SACM1L: variants seen among roughly 807,000 people sequenced by gnomAD.
SACM1L encodes the protein SAC1 like phosphatidylinositide phosphatase, also known as phosphatidylinositol-3-phosphatase SAC1.
A neutral mutation model predicts 89.5 loss-of-function variants in SACM1L; 32 were observed. The observed-to-expected ratio is 0.36, with a 90% CI of 0.27 to 0.48. The LOEUF is 0.48. SACM1L is among the 20% of genes least tolerant of loss of function. The pLI, the probability that SACM1L is intolerant of heterozygous loss-of-function variation, is 0.99. For missense variants in SACM1L, 543 were observed against 708.5 expected, an observed-to-expected ratio of 0.77 and a Z score of 2.65; for synonymous variants, 213 against 232.8, an observed-to-expected ratio of 0.92 and a Z score of 0.77.
At chr3:45,725,257 A>C (rs577649400) in intron 11 of SACM1L, among the ~76,000 whole-genome samples, 33 of 152,278 alleles carry the variant, frequency 2.2e-4, no homozygotes, top group African/African-American at 7.9e-4. Context: ...ATTGCATTGA[A>C]TTGACAGATT....
rs190337202 is a variant in SACM1L at position 45,691,963 on chromosome 3, A to G, written c.32+2466A>G. Among the ~76,000 whole-genome samples, 723 of 152,222 alleles carry G rather than the reference A, an allele frequency of 4.7e-3. 2 individuals are homozygous for G. Among genetic ancestry groups the G allele is most frequent in the Non-Finnish European group, 7.7e-3 (524 of 68,016 alleles). On this transcript the variant is annotated intron_variant, in intron 1 of 19. Transcript: ENST00000389061. ...ACTTGCATTTCTTAGCCATCTGTATATTCTAGCCTTTTTATAATCTGTCGC... is the reference window on the plus strand; with the variant it reads ...ACTTGCATTTCTTAGCCATCTGTATGTTCTAGCCTTTTTATAATCTGTCGC...
At position 45,690,884 on chromosome 3, in the gene SACM1L, G is replaced by A. The variant is rs556498803; in HGVS notation, c.32+1387G>A. On this transcript the variant is annotated intron_variant, in intron 1 of 19. Transcript: ENST00000389061. ...TAATTAGGTTATTGTGTATCTGATA[G>A]GCACTGAAGGGTTTAATGTGATCCT... 2.0e-5 allele frequency among the ~76,000 whole-genome samples: 3 copies of A among 152,196 alleles called. No individual in the cohort carries two copies. The South Asian group carries it at 6.2e-4, about 32-fold the overall frequency.
intron 1 of SACM1L, among the ~76,000 whole-genome samples, chr3:45,693,647 A>G (rs1575380733): frequency 1.3e-5 from 2 of 152,160 alleles, no homozygotes; most frequent in South Asian, 4.1e-4. Context: ...TGATCTTTCC[A>G]TTTCATTGCA....
At chr3:45,737,531 A>G in intron 14 of SACM1L, 52 bp from the exon 15 acceptor site, 1 of 1,529,688 alleles carries the variant, frequency 6.5e-7, no homozygotes, top group South Asian at 1.2e-5. Context: ...TTCCTAAACC[A>G]TGTCTGCTAA....
In SACM1L at chr3:45,745,388, TA is replaced by T. The variant is rs1699404094; in HGVS notation, c.*1723del. On this transcript the variant is annotated 3_prime_UTR_variant, in exon 20 of 20. Coordinates refer to ENST00000389061, the MANE Select transcript of SACM1L (RefSeq NM_014016.5). ...TGTACTGTATGTCCATAAGTGAAAA[TA>T]AAATGTCATATTCTTTTCTATTATT... is the stretch of plus-strand genomic sequence containing the variant. 6.6e-6 allele frequency: 1 copy of T among 152,656 alleles called. No homozygotes were observed. The highest frequency in any genetic ancestry group is 1.5e-5 in the Non-Finnish European group (1 of 68,042). 9.5% of individuals were successfully genotyped at this position (152,656 alleles called of 1,614,324 possible).
At chr3:45,742,110 C>A (rs187522227) in intron 19 of SACM1L, among the ~76,000 whole-genome samples, 119 of 152,286 alleles carry the variant, frequency 7.8e-4, no homozygotes, top group Non-Finnish European at 1.4e-3. Flanking sequence ...AAGTCAAGAC[C>A]AAGAACTCTG....
intron 7 of SACM1L, 130 bp downstream of exon 7, chr3:45,714,209 A>T (rs1248471245): frequency 4.4e-6 from 2 of 450,942 alleles, no homozygotes; most frequent in Non-Finnish European, 7.5e-6. Context: ...ATTGCTGTTG[A>T]TAAGAAAATC....
At chr3:45,742,013 T>C (rs999934049) in intron 19 of SACM1L, among the ~76,000 whole-genome samples, 6 of 152,210 alleles carry the variant, frequency 3.9e-5, no homozygotes, top group African/African-American at 1.4e-4. Flanking sequence ...CATGCCATTT[T>C]TGGGGAGCCA....
rs2125709567 is a variant in SACM1L, at chr3:45,744,561, A to T, written c.*892A>T. On this transcript the variant is annotated 3_prime_UTR_variant, in exon 20 of 20. Transcript: ENST00000389061. ...GTTCTAGATTTCATATTGCACTTGG[A>T]GGGTAACAGCTGCTTTTTCACGCAT... The T allele has an allele frequency of 6.6e-6, 1 of 152,638 alleles. No individual in the cohort carries two copies. The highest frequency in any genetic ancestry group is 1.9e-4 in the East Asian group (1 of 5,184). 9.5% of individuals were successfully genotyped at this position (152,638 alleles called of 1,614,324 possible). A position where few individuals can be genotyped will look rare whatever the true frequency, so the allele number is the denominator to read the frequency against.
At chr3:45,712,440 G>A (rs972278734) in intron 5 of SACM1L, among the ~76,000 whole-genome samples, 4 of 152,046 alleles carry the variant, frequency 2.6e-5, no homozygotes, top group African/African-American at 7.2e-5. Context: ...GAGACATGTC[G>A]GCCAGGCTGG....
At chr3:45,705,069 C>A in intron 2 of SACM1L, 66 bp from the exon 3 acceptor site, 1 of 1,043,422 alleles carries the variant, frequency 9.6e-7, no homozygotes, top group Non-Finnish European at 1.5e-6. Context: ...TGAAATCGAA[C>A]TAAATTTCTG....
At chr3:45,698,614 A>G (rs940590670) in intron 1 of SACM1L, among the ~76,000 whole-genome samples, 4 of 152,130 alleles carry the variant, frequency 2.6e-5, no homozygotes, top group African/African-American at 2.4e-5. Flanking sequence ...GCGATGGCGC[A>G]ATCTCTGCTC....
chr3:45,702,797 C>T (rs959789688), intron 1 of SACM1L, among the ~76,000 whole-genome samples: 1 of 151,952 alleles, frequency 6.6e-6, no homozygotes, highest in Non-Finnish European at 1.5e-5. Context: ...CGTGTTTCTA[C>T]CTCCTTTATT....
intron 19 of SACM1L, 52 bp downstream of exon 19, chr3:45,739,696 T>G (rs3821890): frequency 0.13 from 203,712 of 1,544,824 alleles, 13,898 homozygotes; most frequent in African/African-American, 0.2. Flanking sequence ...ACCTTTCTTT[T>G]ACAACATCTT....
At chr3:45,728,139 A>G (rs544176148) in intron 11 of SACM1L, among the ~76,000 whole-genome samples, 41 of 152,336 alleles carry the variant, frequency 2.7e-4, no homozygotes, top group African/African-American at 9.1e-4. Context: ...TGCACAAAAT[A>G]TCTTTTTTCA....
In SACM1L at chr3:45,706,780, G is replaced by A. The variant is rs778827513; in HGVS notation, c.206G>A (p.Gly69Asp). 1 of 1,597,316 alleles carries A rather than the reference G, an allele frequency of 6.3e-7. No homozygotes were observed. The highest frequency in any genetic ancestry group is 8.5e-7 in the Non-Finnish European group (1 of 1,171,368). Residue 69 changes from glycine to aspartate, a missense_variant and splice_region_variant, in exon 4 of 20, where the codon GGT (glycine) becomes GAT (aspartate). Transcript: ENST00000389061. ...GILGTIHLVA[G>D]NYLIVITKKI... The stretch of plus-strand genomic sequence containing the variant: ...TGTGTGTTTGGCTTGCTTTTTGCAG[G>A]TAATTATCTTATAGTCATTACCAAA...
chr3:45,737,322 C>A (rs959520070), intron 14 of SACM1L: 32 of 462,076 alleles, frequency 6.9e-5, no homozygotes, highest in Non-Finnish European at 9.1e-5. Flanking sequence ...TTCTGACCCT[C>A]TCCCTGAGTA....
At chr3:45,739,755 G>A (rs1699276837) in intron 19 of SACM1L, 111 bp downstream of exon 19, 3 of 951,958 alleles carry the variant, frequency 3.2e-6, no homozygotes, top group South Asian at 1.4e-5. Context: ...TAAATTTAAT[G>A]GGTAAAGTGG....
At chr3:45,728,739 C>T (rs1417647103) in intron 11 of SACM1L, among the ~76,000 whole-genome samples, 3 of 152,174 alleles carry the variant, frequency 2.0e-5, no homozygotes, top group Non-Finnish European at 4.4e-5. Context: ...GTGGCATGAT[C>T]ATAGCTCTGT....
Sources: allele counts gnomAD v4.1 joint callset (sites outside exome capture counted in the v4.1 genomes callset), GRCh38; gene constraint gnomAD v4.1.1; transcripts MANE v1.5; gene names NCBI Gene and HGNC (gene_info 2026-07-23, HGNC 2026-07-21).